Variants in ZFHX3 observed in about 807,000 individuals in gnomAD.
The protein encoded by ZFHX3 is zinc finger homeobox 3.
Under a neutral mutation model 279.1 loss-of-function variants are expected in ZFHX3, and 42 were observed. That is an observed-to-expected ratio of 0.15 (90% confidence interval 0.12 to 0.19). The LOEUF is 0.19. Ranked by LOEUF, ZFHX3 falls within the 10% of genes least tolerant of loss-of-function variation. The pLI, the probability that ZFHX3 is intolerant of heterozygous loss-of-function variation, is 1.00. For missense variants in ZFHX3, 4,981 were observed against 4,754.0 expected (o/e 1.05, Z -1.40); for synonymous variants, 2,293 against 1,957.8 (o/e 1.17, Z -4.52).
chr16:73,330,292 T>A (rs1414440693), intron 3 of ZFHX3, among the ~76,000 whole-genome samples: 1 of 152,214 alleles, frequency 6.6e-6, no homozygotes, highest in Non-Finnish European at 1.5e-5. Flanking sequence ...AAAGTGGATT[T>A]CATAATTAAT....
At chr16:73,645,071 G>A (rs935702270) in intron 2 of ZFHX3, among the ~76,000 whole-genome samples, 1 of 152,190 alleles carries the variant, frequency 6.6e-6, no homozygotes. Context: ...AAATTTGCCA[G>A]AGCATCTCAT....
At chr16:73,774,136 A>T (rs1435300898) in intron 1 of ZFHX3, among the ~76,000 whole-genome samples, 1 of 152,148 alleles carries the variant, frequency 6.6e-6, no homozygotes, top group Non-Finnish European at 1.5e-5. Flanking sequence ...TCTCTAAAAA[A>T]AAAAAGTTAA....
At chr16:73,285,250 G>A (rs1052335903) in intron 4 of ZFHX3, among the ~76,000 whole-genome samples, 3 of 152,222 alleles carry the variant, frequency 2.0e-5, no homozygotes, top group Non-Finnish European at 2.9e-5. Flanking sequence ...TCGATGCTCT[G>A]TGAGGCAGTG....
At chr16:73,394,160 G>C (rs147494608) in intron 3 of ZFHX3, among the ~76,000 whole-genome samples, 3 of 150,508 alleles carry the variant, frequency 2.0e-5, no homozygotes, top group African/African-American at 7.3e-5. Context: ...TTTCTCTGTT[G>C]GCTGTCTCAA....
At chr16:73,104,811 C>G (rs917662889) in intron 7 of ZFHX3, among the ~76,000 whole-genome samples, 2 of 152,076 alleles carry the variant, frequency 1.3e-5, no homozygotes, top group African/African-American at 4.8e-5. Flanking sequence ...CTTGGCCACT[C>G]CTTCAACCCC....
At chr16:73,479,228 G>A in intron 2 of ZFHX3, among the ~76,000 whole-genome samples, 1 of 151,736 alleles carries the variant, frequency 6.6e-6, no homozygotes, top group East Asian at 1.9e-4. Context: ...GCTAATGACT[G>A]GGGAGCTGCC....
intron 2 of ZFHX3, chr16:73,487,613 C>T (rs2018997596): frequency 7.0e-6 from 2 of 287,198 alleles, no homozygotes; most frequent in Non-Finnish European, 1.4e-5. Context: ...CACTGTGTTG[C>T]CCAGGCTAGT....
chr16:73,342,062 T>C (rs1214462784), intron 3 of ZFHX3, among the ~76,000 whole-genome samples: 1 of 152,068 alleles, frequency 6.6e-6, no homozygotes, highest in African/African-American at 2.4e-5. Context: ...GGGTGAATTG[T>C]ATGGTACATG....
intron 3 of ZFHX3, among the ~76,000 whole-genome samples, chr16:73,389,830 C>T (rs1254968425): frequency 1.3e-5 from 2 of 152,292 alleles, no homozygotes; most frequent in African/African-American, 2.4e-5. Flanking sequence ...GAGGCAGAGG[C>T]GGGTGGATCA....
intron 2 of ZFHX3, among the ~76,000 whole-genome samples, chr16:73,503,762 C>T (rs903295777): frequency 1.3e-5 from 2 of 152,138 alleles, no homozygotes; most frequent in Non-Finnish European, 2.9e-5. Flanking sequence ...AATGTAACCA[C>T]CGAACTGGGT....
chr16:73,446,515 C>CA (rs774266635), intron 3 of ZFHX3, among the ~76,000 whole-genome samples: 1 of 152,186 alleles, frequency 6.6e-6, no homozygotes, highest in Non-Finnish European at 1.5e-5. Context: ...TCATCTCCCA[C>CA]AAGGTCCCTC....
chr16:72,806,832 C>G (rs969174273), intron 7 of ZFHX3, among the ~76,000 whole-genome samples: 3 of 152,064 alleles, frequency 2.0e-5, no homozygotes, highest in Admixed American at 2.0e-4. Context: ...TAAGAACTAC[C>G]AAAGGGAGCC....
intron 5 of ZFHX3, among the ~76,000 whole-genome samples, chr16:73,235,227 G>A (rs1461747121): frequency 2.0e-5 from 3 of 151,952 alleles, no homozygotes; most frequent in South Asian, 2.1e-4. Flanking sequence ...CCACCACCAC[G>A]CCTGGCAAAT....
chr16:72,794,898 T>G lies in ZFHX3; in HGVS notation c.7784A>C (p.Gln2595Pro). 1 of 1,614,064 alleles carries G rather than the reference T, an allele frequency of 6.2e-7. No homozygotes were observed. Among genetic ancestry groups the G allele is most frequent in the South Asian group, 1.1e-5 (1 of 91,074 alleles). The change falls in exon 9 of 10, where the codon CAG becomes CCG. Residue 2595 changes from glutamine to proline, a missense_variant. By Grantham distance (76) the Gln-to-Pro change is moderately conservative (BLOSUM62 -1). Coordinates refer to ENST00000268489, the MANE Select transcript of ZFHX3 (RefSeq NM_006885.4). This position sits in a 1 kb window ranked among gnomAD's most constrained non-coding sequence, Gnocchi z 4.2. ...ASQLLSGAIPQIPASSATSPS... is the reference protein window; with the variant it reads ...ASQLLSGAIPPIPASSATSPS... ...AGAAGTGGCTGAGCTTGCTGGAATC[T>G]GAGGTATGGCCCCAGAGAGCAGCTG...
intron 2 of ZFHX3, among the ~76,000 whole-genome samples, chr16:73,566,555 T>C (rs1260702356): frequency 6.6e-6 from 1 of 152,192 alleles, no homozygotes; most frequent in Non-Finnish European, 1.5e-5. Flanking sequence ...TTTCTGCTTT[T>C]ATGTGGTTTT....
At chr16:73,660,613 A>G (rs1399138709) in intron 2 of ZFHX3, among the ~76,000 whole-genome samples, 2 of 152,200 alleles carry the variant, frequency 1.3e-5, no homozygotes, top group Admixed American at 6.5e-5. Context: ...GATCTGTTGT[A>G]TATGGCTCAT....
intron 3 of ZFHX3, among the ~76,000 whole-genome samples, chr16:73,335,966 C>A (rs776767086): frequency 6.6e-6 from 1 of 152,198 alleles, no homozygotes; most frequent in African/African-American, 2.4e-5. Flanking sequence ...ATCACAGATT[C>A]TTTTTCTTCT....
intron 7 of ZFHX3, among the ~76,000 whole-genome samples, chr16:73,129,820 A>G (rs986186328): frequency 9.9e-5 from 15 of 152,036 alleles, no homozygotes; most frequent in Non-Finnish European, 1.9e-4. Context: ...TGCTCAGGCT[A>G]TTTTAAGTTT....
intron 8 of ZFHX3, among the ~76,000 whole-genome samples, chr16:73,084,957 A>C (rs1965993929): frequency 6.6e-6 from 1 of 152,218 alleles, no homozygotes; most frequent in Admixed American, 6.5e-5. Context: ...TTAATGTTAA[A>C]ATGTCAAGAG....
Sources: allele counts gnomAD v4.1 joint callset (sites outside exome capture counted in the v4.1 genomes callset), GRCh38; gene constraint gnomAD v4.1.1; non-coding constraint Gnocchi (gnomAD v3.1); transcripts MANE v1.5; gene names NCBI Gene and HGNC (gene_info 2026-07-23, HGNC 2026-07-21).